ADAM10: variants seen among roughly 807,000 people sequenced by gnomAD.
The protein encoded by ADAM10 is disintegrin and metalloproteinase domain-containing protein 10.
In ADAM10, 17 loss-of-function variants were observed where a neutral mutation model predicts 90.1. That is an observed-to-expected ratio of 0.19 (90% confidence interval 0.13 to 0.28). The LOEUF is 0.28. Ranked by LOEUF, ADAM10 falls within the 10% of genes least tolerant of loss-of-function variation. The probability of loss-of-function intolerance (pLI) is 1.00; values close to 1 mark genes in which losing one functional copy is unlikely to be tolerated. For missense variants in ADAM10, 610 were observed against 914.3 expected, an observed-to-expected ratio of 0.67 and a Z score of 4.29; for synonymous variants, 310 against 298.6, an observed-to-expected ratio of 1.04 and a Z score of -0.40.
At chr15:58,632,290 G>C (rs182241986) in intron 9 of ADAM10, among the ~76,000 whole-genome samples, 1 of 152,158 alleles carries the variant, frequency 6.6e-6, no homozygotes, top group African/African-American at 2.4e-5. Flanking sequence ...CATTGTAGTT[G>C]TATTAGAAAA....
intron 6 of ADAM10, among the ~76,000 whole-genome samples, chr15:58,644,278 G>GGAGTGCA (rs1896492744): frequency 6.9e-6 from 1 of 145,874 alleles, no homozygotes; most frequent in African/African-American, 2.6e-5. Context: ...TGCCCACGCT[G>GGAGTGCA]GAGTGCAGTG....
At chr15:58,743,969 G>C (rs11852241) in intron 1 of ADAM10, among the ~76,000 whole-genome samples, 27,629 of 152,086 alleles carry the variant, frequency 0.18, 2,726 homozygotes, top group East Asian at 0.44. Context: ...GGACATTTTA[G>C]AGTATGTTTA....
At chr15:58,629,455 G>C (rs1014860849) in intron 9 of ADAM10, 9 of 152,162 alleles carry the variant, frequency 5.9e-5, no homozygotes, top group Admixed American at 2.6e-4. Flanking sequence ...GCCATCCTCA[G>C]ATAACGAATA....
intron 2 of ADAM10, among the ~76,000 whole-genome samples, chr15:58,712,390 G>A (rs1462213123): frequency 6.6e-6 from 1 of 151,918 alleles, no homozygotes; most frequent in Non-Finnish European, 1.5e-5. Context: ...TAGGCATGGT[G>A]GTGTGTGCCT....
chr15:58,743,912 C>G (rs140526533), intron 1 of ADAM10, among the ~76,000 whole-genome samples: 93 of 152,264 alleles, frequency 6.1e-4, no homozygotes, highest in African/African-American at 1.9e-3. Flanking sequence ...CTGGCCAACA[C>G]TTTTTCTTAA....
intron 2 of ADAM10, among the ~76,000 whole-genome samples, chr15:58,713,482 A>G (rs1898542362): frequency 6.6e-6 from 1 of 152,214 alleles, no homozygotes; most frequent in Non-Finnish European, 1.5e-5. Context: ...CTGCACTTCA[A>G]GTTCACAAGG....
chr15:58,647,248 A>ATATTTTTTTTTTTTTT (rs1896571611), intron 5 of ADAM10, among the ~76,000 whole-genome samples: 1 of 59,602 alleles, frequency 1.7e-5, no homozygotes, highest in Non-Finnish European at 3.6e-5. Flanking sequence ...GACACTAAGT[A>ATATTTTTTTTTTTTTT]TTTTTTTTTT....
At chr15:58,704,408 C>T (rs1898222127) in intron 2 of ADAM10, among the ~76,000 whole-genome samples, 1 of 152,046 alleles carries the variant, frequency 6.6e-6, no homozygotes, top group African/African-American at 2.4e-5. Flanking sequence ...TACTTAATGC[C>T]ATTTAATGCA....
chr15:58,591,699 A>G lies in ADAM10; in HGVS notation c.*5848T>C, dbSNP rs1466154820. Reference sequence around the variant, plus strand: ...AATCTTGTTTCAACTATATCCACACACACCAGCCAACTTCAATCCTTATTT... The same window carrying G: ...AATCTTGTTTCAACTATATCCACACGCACCAGCCAACTTCAATCCTTATTT... On this transcript the variant is annotated 3_prime_UTR_variant, in exon 16 of 16. Coordinates refer to ENST00000260408, the MANE Select transcript of ADAM10 (RefSeq NM_001110.4). The G allele has an allele frequency of 2.6e-5, 4 of 152,216 alleles. No individual in the cohort carries two copies. Among genetic ancestry groups the G allele is most frequent in the Admixed American group, 6.5e-5 (1 of 15,290 alleles). 9.4% of individuals were successfully genotyped at this position (152,216 alleles called of 1,614,324 possible).
chr15:58,705,980 T>G (rs1364465095), intron 2 of ADAM10, among the ~76,000 whole-genome samples: 7 of 152,222 alleles, frequency 4.6e-5, no homozygotes, highest in African/African-American at 1.7e-4. Flanking sequence ...TTAATATATT[T>G]AGGGTTTAGT....
intron 2 of ADAM10, among the ~76,000 whole-genome samples, chr15:58,716,647 T>C (rs1215737607): frequency 1.3e-5 from 2 of 152,166 alleles, no homozygotes; most frequent in Admixed American, 1.3e-4. Context: ...CAATCATTAA[T>C]TGAAGACTTT....
At chr15:58,603,041 GAATTTAA>G (rs1466775832) in intron 14 of ADAM10, among the ~76,000 whole-genome samples, 2 of 152,150 alleles carry the variant, frequency 1.3e-5, no homozygotes, top group Non-Finnish European at 2.9e-5. Context: ...ATCTGGCTTG[GAATTTAA>G]AACTTTACAA....
chr15:58,745,630 A>G (rs1480521554), intron 1 of ADAM10, among the ~76,000 whole-genome samples: 3 of 152,212 alleles, frequency 2.0e-5, no homozygotes, highest in African/African-American at 7.2e-5. Context: ...AAAAATATTA[A>G]AAGTTGGATA....
chr15:58,630,446 T>C (rs1459003370), intron 9 of ADAM10, among the ~76,000 whole-genome samples: 1 of 152,088 alleles, frequency 6.6e-6, no homozygotes, highest in Admixed American at 6.5e-5. Flanking sequence ...AACATTAAGA[T>C]AAGGAAATTG....
At position 58,691,557 on chromosome 15, in the gene ADAM10, TTAA is replaced by T. The variant is rs562192469; in HGVS notation, c.207-9246_207-9244del. ...CAGCAGTTCAGACAGGTGTCGCCAG[TTAA>T]TAGAGTCCTCATGGATTCCAAGCCA... On this transcript the variant is annotated intron_variant, in intron 2 of 15. Transcript: ENST00000260408. 352 of 528,678 alleles carry T rather than the reference TTAA, an allele frequency of 6.7e-4. 1 individual carries two copies. Among genetic ancestry groups the T allele is most frequent in the African/African-American group, 6.2e-3 (330 of 53,046 alleles). 32.7% of individuals were successfully genotyped at this position (528,678 alleles called of 1,614,324 possible).
intron 2 of ADAM10, chr15:58,692,429 C>A: frequency 5.5e-6 from 3 of 548,920 alleles, no homozygotes; most frequent in South Asian, 4.3e-5. Context: ...TTATCAGTGT[C>A]ATCCTCCTCA....
intron 5 of ADAM10, among the ~76,000 whole-genome samples, chr15:58,647,693 A>G (rs1330472103): frequency 6.6e-6 from 1 of 151,938 alleles, no homozygotes; most frequent in Non-Finnish European, 1.5e-5. Flanking sequence ...GGGGACTACA[A>G]GCATGTATCA....
At chr15:58,647,670 T>TCC (rs1896586516) in intron 5 of ADAM10, among the ~76,000 whole-genome samples, 1 of 152,086 alleles carries the variant, frequency 6.6e-6, no homozygotes, top group Non-Finnish European at 1.5e-5. Context: ...CGCCTAAGCT[T>TCC]CCCAAGTAGC....
chr15:58,670,029 A>G (rs1897159192), intron 4 of ADAM10, among the ~76,000 whole-genome samples: 1 of 152,086 alleles, frequency 6.6e-6, no homozygotes, highest in Non-Finnish European at 1.5e-5. Flanking sequence ...AAATGCTATG[A>G]TAGTTTCACA....
Sources: allele counts gnomAD v4.1 joint callset (sites outside exome capture counted in the v4.1 genomes callset), GRCh38; gene constraint gnomAD v4.1.1; transcripts MANE v1.5; gene names NCBI Gene and HGNC (gene_info 2026-07-23, HGNC 2026-07-21).